The following TLE4 variants were observed in gnomAD, a reference collection of about 807,000 sequenced individuals.
TLE4 encodes the protein TLE family member 4, transcriptional corepressor.
In TLE4, 8 loss-of-function variants were observed where a neutral mutation model predicts 92.8. The ratio of observed to expected loss-of-function variants is 0.09; its 90% confidence interval spans 0.05 to 0.16. The LOEUF (loss-of-function observed/expected upper bound fraction) is 0.16, where lower values mean the gene tolerates loss of function less well. Ranked by LOEUF, TLE4 falls within the 10% of genes least tolerant of loss-of-function variation. The pLI, the probability that TLE4 is intolerant of heterozygous loss-of-function variation, is 1.00. For synonymous variants in TLE4, 371 were observed against 374.1 expected (o/e 0.99, Z 0.10); for missense variants, 675 against 997.6 (o/e 0.68, Z 4.36).
intron 6 of TLE4, among the ~76,000 whole-genome samples, chr9:79,629,508 G>A (rs1213325491): frequency 2.0e-5 from 3 of 152,092 alleles, no homozygotes; most frequent in African/African-American, 7.2e-5. Flanking sequence ...TTAAAATAAA[G>A]CTAACTTAAT....
At chr9:79,651,884 C>T (rs1012408879) in intron 6 of TLE4, among the ~76,000 whole-genome samples, 6 of 152,106 alleles carry the variant, frequency 3.9e-5, no homozygotes, top group East Asian at 1.9e-4. Flanking sequence ...TTCAACATAA[C>T]TGCTTTAACA....
chr9:79,600,147 G>A (rs1454370586), intron 4 of TLE4, among the ~76,000 whole-genome samples: 2 of 152,152 alleles, frequency 1.3e-5, no homozygotes, highest in Non-Finnish European at 2.9e-5. Flanking sequence ...ATTTTAAATT[G>A]CCTACAGAAT....
intron 5 of TLE4, among the ~76,000 whole-genome samples, chr9:79,622,560 A>AT (rs967601315): frequency 1.4e-4 from 22 of 151,972 alleles, no homozygotes; most frequent in African/African-American, 5.1e-4. Flanking sequence ...GCATCCTGTA[A>AT]TTTTTCTTAT....
chr9:79,633,077 G>A (rs2054741937), intron 6 of TLE4, among the ~76,000 whole-genome samples: 1 of 152,136 alleles, frequency 6.6e-6, no homozygotes, highest in Admixed American at 6.5e-5. Flanking sequence ...ATTTGCCATG[G>A]AGCAGGGGAC....
intron 4 of TLE4, among the ~76,000 whole-genome samples, chr9:79,606,374 T>TG (rs1491184265): frequency 1.4e-3 from 54 of 38,204 alleles, no homozygotes; most frequent in South Asian, 3.6e-3. Flanking sequence ...TGTGTGTGTG[T>TG]TTTTTTTTTT....
chr9:79,658,975 T>C (rs576346698), intron 8 of TLE4, among the ~76,000 whole-genome samples: 1 of 152,186 alleles, frequency 6.6e-6, no homozygotes, highest in Non-Finnish European at 1.5e-5. Context: ...GCATATCCAC[T>C]GTAACCTAGG....
chr9:79,651,027 ATCGATCTCTC>A (rs2058862202), intron 6 of TLE4, among the ~76,000 whole-genome samples: 1 of 70,838 alleles, frequency 1.4e-5, no homozygotes, highest in African/African-American at 5.6e-5. Flanking sequence ...TGGTGGAATG[ATCGATCTCTC>A]TCTCTCTCTC....
At chr9:79,620,413 T>C (rs2050673287) in intron 5 of TLE4, among the ~76,000 whole-genome samples, 1 of 152,202 alleles carries the variant, frequency 6.6e-6, no homozygotes, top group Admixed American at 6.5e-5. Context: ...GCAGTGAATT[T>C]GTAGAGCTTA....
chr9:79,623,239 A>G (rs1433062989), intron 5 of TLE4, among the ~76,000 whole-genome samples: 2 of 151,582 alleles, frequency 1.3e-5, no homozygotes, highest in African/African-American at 2.4e-5. Context: ...ATAGCTTTTT[A>G]TTACGGTTTT....
intron 14 of TLE4, 72 bp from the exon 15 acceptor site, chr9:79,718,650 C>T (rs2075037525): frequency 6.7e-7 from 1 of 1,503,682 alleles, no homozygotes; most frequent in African/African-American, 1.4e-5. Flanking sequence ...TATTTCTCAT[C>T]TCATTACACT....
intron 9 of TLE4, 115 bp downstream of exon 9, chr9:79,705,017 G>A: frequency 1.4e-6 from 2 of 1,434,980 alleles, no homozygotes; most frequent in South Asian, 1.3e-5. Context: ...TCCTTTAGGA[G>A]ACAAAAAACA....
chr9:79,637,445 T>C (rs940647917), intron 6 of TLE4, among the ~76,000 whole-genome samples: 3 of 152,180 alleles, frequency 2.0e-5, no homozygotes, highest in Non-Finnish European at 2.9e-5. Context: ...TTAACCATTA[T>C]GCTACACTTG....
chr9:79,710,376 C>T (rs1284433006), intron 14 of TLE4, among the ~76,000 whole-genome samples: 1 of 152,174 alleles, frequency 6.6e-6, no homozygotes, highest in African/African-American at 2.4e-5. Context: ...CTTTAAAATC[C>T]CAGCTGGCTG....
At chr9:79,723,513 A>G (rs78680821) in intron 19 of TLE4, among the ~76,000 whole-genome samples, 1 of 152,214 alleles carries the variant, frequency 6.6e-6, no homozygotes, top group Non-Finnish European at 1.5e-5. Context: ...AACTTTGTAT[A>G]GCTTGTGAAA....
intron 8 of TLE4, among the ~76,000 whole-genome samples, chr9:79,659,104 C>T (rs913110458): frequency 1.4e-4 from 21 of 152,120 alleles, no homozygotes; most frequent in Admixed American, 5.9e-4. Context: ...TTATGCTTAC[C>T]CTTATTTCAT....
intron 8 of TLE4, 21 bp downstream of exon 8, chr9:79,654,096 A>C: frequency 6.2e-7 from 1 of 1,611,048 alleles, no homozygotes; most frequent in South Asian, 1.1e-5. Flanking sequence ...AAATTTACAG[A>C]CTAAGGAATG....
chr9:79,611,771 A>T (rs567480967), intron 4 of TLE4, among the ~76,000 whole-genome samples: 1 of 152,092 alleles, frequency 6.6e-6, no homozygotes, highest in African/African-American at 2.4e-5. Flanking sequence ...ACAAATTAAG[A>T]TAAACATTGG....
At chr9:79,652,513 A>G (rs563281628) in intron 6 of TLE4, 80 bp from the exon 7 acceptor site, 3 of 1,525,910 alleles carry the variant, frequency 2.0e-6, no homozygotes, top group Middle Eastern at 1.7e-4. Context: ...CTGCCGATTT[A>G]TGCCTCCTTT....
chr9:79,656,585 G>A (rs1224666490), intron 8 of TLE4, among the ~76,000 whole-genome samples: 1 of 152,186 alleles, frequency 6.6e-6, no homozygotes, highest in Non-Finnish European at 1.5e-5. Flanking sequence ...CTAATGTGCA[G>A]AAAATTCGGA....
Sources: allele counts gnomAD v4.1 joint callset (sites outside exome capture counted in the v4.1 genomes callset), GRCh38; gene constraint gnomAD v4.1.1; transcripts MANE v1.5; gene names NCBI Gene and HGNC (gene_info 2026-07-23, HGNC 2026-07-21).